EXT2: variants seen among roughly 807,000 people sequenced by gnomAD.
EXT2 encodes the protein exostosin glycosyltransferase 2.
EXT2 carries 53 observed loss-of-function variants against 81.6 expected under a neutral mutation model. The ratio of observed to expected loss-of-function variants is 0.65; its 90% confidence interval spans 0.52 to 0.82. The LOEUF (loss-of-function observed/expected upper bound fraction) is 0.82. EXT2 is among the 40% of genes least tolerant of loss of function. The probability of loss-of-function intolerance (pLI) is 0.00; values close to 1 mark genes in which losing one functional copy is unlikely to be tolerated. For missense variants in EXT2, 774 were observed against 910.2 expected, an observed-to-expected ratio of 0.85 and a Z score of 1.93; for synonymous variants, 320 against 340.0, an observed-to-expected ratio of 0.94 and a Z score of 0.65.
At chr11:44,242,881 C>G (rs1462524139) in intron 13 of EXT2, among the ~76,000 whole-genome samples, 2 of 152,150 alleles carry the variant, frequency 1.3e-5, no homozygotes, top group Non-Finnish European at 2.9e-5. Flanking sequence ...TATTTATCCT[C>G]TCTGTATCTC....
At chr11:44,188,833 T>C (rs1439369548) in intron 8 of EXT2, among the ~76,000 whole-genome samples, 1 of 152,132 alleles carries the variant, frequency 6.6e-6, no homozygotes, top group Non-Finnish European at 1.5e-5. Context: ...ACGTCTAAGC[T>C]GAGTTCCAGA....
chr11:44,206,614 T>A (rs1359766036), intron 9 of EXT2, among the ~76,000 whole-genome samples, 179 bp from the exon 10 acceptor site: 2 of 152,150 alleles, frequency 1.3e-5, no homozygotes, highest in African/African-American at 2.4e-5. Context: ...GTATATATAT[T>A]TTTTATTATA....
intron 7 of EXT2, among the ~76,000 whole-genome samples, chr11:44,159,823 A>G (rs1195109992): frequency 6.6e-6 from 1 of 152,190 alleles, no homozygotes; most frequent in African/African-American, 2.4e-5. Context: ...TTTTTCCCCA[A>G]CCTTGCTTAG....
chr11:44,227,293 T>C (rs1955848484), intron 10 of EXT2, among the ~76,000 whole-genome samples: 1 of 152,248 alleles, frequency 6.6e-6, no homozygotes, highest in Non-Finnish European at 1.5e-5. Flanking sequence ...TCTATGTGTA[T>C]GGCATTTTAA....
At chr11:44,144,361 G>C in intron 7 of EXT2, 1 of 1,580,326 alleles carries the variant, frequency 6.3e-7, no homozygotes, top group Non-Finnish European at 8.6e-7. Context: ...TTAGAAAACC[G>C]GGCCCAGCAG....
At chr11:44,101,411 A>C (rs987569535) in intron 1 of EXT2, among the ~76,000 whole-genome samples, 4 of 152,208 alleles carry the variant, frequency 2.6e-5, no homozygotes, top group African/African-American at 9.7e-5. Context: ...TCTGGCTTCT[A>C]CTGAGTAGGG....
intron 7 of EXT2, among the ~76,000 whole-genome samples, chr11:44,165,879 T>C (rs1027160003): frequency 9.2e-5 from 14 of 152,104 alleles, no homozygotes; most frequent in African/African-American, 3.4e-4. Flanking sequence ...TGCTCTGGAA[T>C]GGGGTAGAAA....
intron 9 of EXT2, among the ~76,000 whole-genome samples, chr11:44,203,696 A>C (rs897675483): frequency 1.3e-5 from 2 of 152,124 alleles, no homozygotes; most frequent in African/African-American, 2.4e-5. Context: ...AAGAGGTGCT[A>C]CTTACACTTG....
At chr11:44,146,426 G>A (rs1015657476) in intron 7 of EXT2, among the ~76,000 whole-genome samples, 1 of 152,194 alleles carries the variant, frequency 6.6e-6, no homozygotes, top group Non-Finnish European at 1.5e-5. Context: ...TGACTGGAGT[G>A]CACCTCTGTG....
intron 13 of EXT2, among the ~76,000 whole-genome samples, chr11:44,239,031 A>T (rs1956003737): frequency 6.6e-6 from 1 of 152,216 alleles, no homozygotes; most frequent in African/African-American, 2.4e-5. Flanking sequence ...TGAAGAGTGA[A>T]GAGGTTGGAG....
At chr11:44,240,214 A>G (rs1000809910) in intron 13 of EXT2, among the ~76,000 whole-genome samples, 1 of 152,200 alleles carries the variant, frequency 6.6e-6, no homozygotes, top group Non-Finnish European at 1.5e-5. Context: ...TTGACTAAAG[A>G]AAAGCAAAGG....
intron 7 of EXT2, among the ~76,000 whole-genome samples, chr11:44,132,906 A>AC (rs1320960633): frequency 7.2e-5 from 11 of 152,006 alleles, no homozygotes; most frequent in Non-Finnish European, 5.9e-5. Context: ...TCTTTTCCTA[A>AC]CCCCACATTT....
At position 44,251,285 on chromosome 11, in the gene EXT2, C is replaced by T. The variant is rs931167236; in HGVS notation, c.*6998C>T. Among the ~76,000 whole-genome samples the T allele has an allele frequency of 6.6e-6, 1 of 152,134 alleles. No individual in the cohort carries two copies. Among genetic ancestry groups the T allele is most frequent in the Admixed American group, 6.5e-5 (1 of 15,276 alleles). ...AATATCCATTAATAAGAGATTGATG[C>T]TCTTTCAACTCTCATGTCATCTATA... On this transcript the variant is annotated 3_prime_UTR_variant, in exon 14 of 14. Transcript: ENST00000533608.
chr11:44,125,792 G>C (rs1420303027), intron 5 of EXT2, among the ~76,000 whole-genome samples: 1 of 152,056 alleles, frequency 6.6e-6, no homozygotes, highest in Non-Finnish European at 1.5e-5. Flanking sequence ...GGTGATGAGG[G>C]CAGGAGTATT....
chr11:44,103,684 A>G (rs1377762884), intron 1 of EXT2: 1 of 456,374 alleles, frequency 2.2e-6, no homozygotes, highest in African/African-American at 2.1e-5. Context: ...TAAACTTTTG[A>G]TTCAGTGTCT....
At chr11:44,238,356 A>AT (rs892152839) in intron 13 of EXT2, among the ~76,000 whole-genome samples, 1 of 152,006 alleles carries the variant, frequency 6.6e-6, no homozygotes, top group Non-Finnish European at 1.5e-5. Flanking sequence ...TAGTTCTTAA[A>AT]TTTTTTGTAG....
At chr11:44,127,388 G>A (rs555970409) in intron 6 of EXT2, among the ~76,000 whole-genome samples, 3 of 152,336 alleles carry the variant, frequency 2.0e-5, no homozygotes, top group South Asian at 4.1e-4. Context: ...ATTACCATCT[G>A]AGCCTCGCCT....
intron 7 of EXT2, among the ~76,000 whole-genome samples, chr11:44,149,353 C>T (rs1954762062): frequency 1.3e-5 from 2 of 152,196 alleles, no homozygotes; most frequent in South Asian, 4.1e-4. Context: ...CAGAGCAAGA[C>T]TCTGTCTTAA....
chr11:44,186,080 G>C (rs1179895617), intron 8 of EXT2, among the ~76,000 whole-genome samples: 1 of 152,176 alleles, frequency 6.6e-6, no homozygotes, highest in Non-Finnish European at 1.5e-5. Flanking sequence ...AGTATTTTCA[G>C]TGTATTTATG....
Sources: gnomAD v4.1 joint callset for allele counts (sites outside exome capture counted in the v4.1 genomes callset) on GRCh38, gnomAD v4.1.1 for gene constraint, MANE v1.5 for transcripts, NCBI Gene and HGNC (gene_info 2026-07-23, HGNC 2026-07-21) for gene names.